Variants in BMPR2 observed in about 807,000 individuals in gnomAD.
BMPR2 encodes bone morphogenetic protein receptor type 2, also known as bone morphogenetic protein receptor type-2.
In BMPR2, 29 loss-of-function variants were observed where a neutral mutation model predicts 100.8. The ratio of observed to expected loss-of-function variants is 0.29; its 90% confidence interval spans 0.21 to 0.39. The LOEUF (loss-of-function observed/expected upper bound fraction) is 0.39. Among genes scored for constraint, BMPR2 ranks in the 10% least tolerant of loss-of-function variants. BMPR2 has a pLI of 1.00. For missense variants in BMPR2, 1,011 were observed against 1,274.5 expected (o/e 0.79, Z 3.15); for synonymous variants, 382 against 442.3 (o/e 0.86, Z 1.71).
chr2:202,501,466 A>G (rs1222730758), intron 3 of BMPR2, among the ~76,000 whole-genome samples: 1 of 152,216 alleles, frequency 6.6e-6, no homozygotes, highest in Admixed American at 6.5e-5. Flanking sequence ...TTCCCACAGG[A>G]CAGAACTTCT....
At chr2:202,486,094 A>G (rs1692772537) in intron 3 of BMPR2, among the ~76,000 whole-genome samples, 1 of 152,104 alleles carries the variant, frequency 6.6e-6, no homozygotes, top group Admixed American at 6.6e-5. Flanking sequence ...CCCTAATATG[A>G]CAATTAAAAA....
intron 11 of BMPR2, among the ~76,000 whole-genome samples, chr2:202,554,193 C>A (rs2105710173): frequency 6.6e-6 from 1 of 152,244 alleles, no homozygotes. Context: ...CAGTCTTCTG[C>A]TTTTATCTCC....
chr2:202,403,221 A>G lies in BMPR2; in HGVS notation c.76+25671A>G, dbSNP rs868508319. Among the ~76,000 whole-genome samples the G allele has an allele frequency of 2.3e-3, 246 of 108,374 alleles. 1 individual carries two copies. Among genetic ancestry groups the G allele is most frequent in the African/African-American group, 7.9e-3 (216 of 27,206 alleles). The allele number at this position is 108,374 out of a possible 152,430, so 71.1% of individuals were successfully genotyped here. A position where few individuals can be genotyped will look rare whatever the true frequency, so the allele number is the denominator to read the frequency against. Reference sequence around the variant, plus strand: ...CCTCCCCTCCCCTCCTCTTTTCGAGACAGAGTCTTGCTCTGTTGCCCAGGC... The same window carrying G: ...CCTCCCCTCCCCTCCTCTTTTCGAGGCAGAGTCTTGCTCTGTTGCCCAGGC... On this transcript the variant is annotated intron_variant, in intron 1 of 12. Coordinates refer to ENST00000374580, the MANE Select transcript of BMPR2 (RefSeq NM_001204.7).
intron 9 of BMPR2, among the ~76,000 whole-genome samples, chr2:202,534,869 C>T (rs1688102537): frequency 6.8e-6 from 1 of 148,084 alleles, no homozygotes; most frequent in Non-Finnish European, 1.5e-5. Flanking sequence ...CCCCCACCTC[C>T]CTCCCGGACG....
intron 9 of BMPR2, among the ~76,000 whole-genome samples, chr2:202,535,533 C>G (rs373553392): frequency 6.7e-6 from 1 of 149,804 alleles, no homozygotes; most frequent in East Asian, 2.0e-4. Context: ...TGATGGCGGC[C>G]AGGAAGAGGT....
chr2:202,403,886 T>C (rs1028202037), intron 1 of BMPR2, among the ~76,000 whole-genome samples: 4 of 151,828 alleles, frequency 2.6e-5, no homozygotes, highest in African/African-American at 9.7e-5. Flanking sequence ...ATGCCTGTAA[T>C]CCCAGCTGCT....
chr2:202,411,135 C>T (rs1691006616), intron 1 of BMPR2, among the ~76,000 whole-genome samples: 1 of 152,094 alleles, frequency 6.6e-6, no homozygotes, highest in African/African-American at 2.4e-5. Flanking sequence ...TTTAAATAGG[C>T]TCTAAGTATC....
chr2:202,400,478 A>C (rs1690749870), intron 1 of BMPR2, among the ~76,000 whole-genome samples: 1 of 152,160 alleles, frequency 6.6e-6, no homozygotes, highest in Non-Finnish European at 1.5e-5. Flanking sequence ...CTGCAGAATT[A>C]GATTTGAATT....
chr2:202,556,979 C>T (rs778904053), intron 12 of BMPR2, among the ~76,000 whole-genome samples: 12 of 150,904 alleles, frequency 8.0e-5, no homozygotes, highest in Admixed American at 1.3e-4. Flanking sequence ...GCCGAGATCA[C>T]GACACTTCAC....
Position 202,565,738 on chromosome 2 carries a change from A to G in BMPR2, c.*5792A>G, listed in dbSNP as rs984686366. The G allele has an allele frequency of 3.3e-5, 5 of 152,404 alleles. No homozygotes were observed. The highest frequency in any genetic ancestry group is 1.2e-4 in the African/African-American group (5 of 41,456). 9.4% of individuals were successfully genotyped at this position (152,404 alleles called of 1,614,324 possible). ...TACATTAATCAGGTATTATCTATGG[A>G]CATTTTTGTAGACCACTTTTGAAAT... On this transcript the variant is annotated 3_prime_UTR_variant, in exon 13 of 13. Transcript: ENST00000374580.
intron 1 of BMPR2, among the ~76,000 whole-genome samples, chr2:202,384,560 CTTTCTTTCT>C (rs1559020815): frequency 0.042 from 215 of 5,160 alleles, 1 homozygote; most frequent in African/African-American, 0.11. Flanking sequence ...TTCTTTCTTT[CTTTCTTTCT>C]TTTTCTTTCT....
intron 9 of BMPR2, among the ~76,000 whole-genome samples, chr2:202,540,689 A>G (rs1688253017): frequency 6.6e-6 from 1 of 152,214 alleles, no homozygotes; most frequent in African/African-American, 2.4e-5. Flanking sequence ...CTGGGTCATT[A>G]TAACTTTGTA....
intron 1 of BMPR2, among the ~76,000 whole-genome samples, chr2:202,437,200 T>G (rs1369633394): frequency 6.7e-6 from 1 of 150,122 alleles, no homozygotes; most frequent in Non-Finnish European, 1.5e-5. Flanking sequence ...GAGATGGGGT[T>G]TCACCATTTT....
intron 10 of BMPR2, among the ~76,000 whole-genome samples, chr2:202,550,202 T>C (rs1239114144): frequency 6.6e-6 from 1 of 151,948 alleles, no homozygotes; most frequent in Non-Finnish European, 1.5e-5. Context: ...ACCCCATCTC[T>C]ACTAAAAATA....
chr2:202,474,177 C>T (rs187615929), intron 3 of BMPR2, among the ~76,000 whole-genome samples: 96 of 151,750 alleles, frequency 6.3e-4, no homozygotes, highest in Non-Finnish European at 1.0e-3. Flanking sequence ...AGTGGATCGC[C>T]GGGCACGGTG....
At chr2:202,396,338 G>C (rs960337563) in intron 1 of BMPR2, among the ~76,000 whole-genome samples, 2 of 152,240 alleles carry the variant, frequency 1.3e-5, no homozygotes, top group Non-Finnish European at 2.9e-5. Context: ...CAGCTCTGAA[G>C]ACTTGAAATC....
intron 1 of BMPR2, among the ~76,000 whole-genome samples, chr2:202,440,932 C>T (rs995875273): frequency 2.0e-5 from 3 of 150,504 alleles, no homozygotes; most frequent in African/African-American, 7.5e-5. Context: ...ATTAAATACA[C>T]ATTGACTAGT....
At chr2:202,397,733 C>T (rs1381570507) in intron 1 of BMPR2, among the ~76,000 whole-genome samples, 5 of 151,484 alleles carry the variant, frequency 3.3e-5, no homozygotes, top group Admixed American at 3.3e-4. Flanking sequence ...CTTCTAAGCT[C>T]AAGCAATCCT....
rs11459505 is a variant in BMPR2, at chr2:202,390,980, C to CTTTTTTTT, written c.76+13450_76+13457dup. ...ACCAAAAATGCTTTTAGTAAGTAGT[C>CTTTTTTTT]TTTTTTTTTTTTTTTTTTTTTTTTT... On this transcript the variant is annotated intron_variant, in intron 1 of 12. Coordinates refer to ENST00000374580, the MANE Select transcript of BMPR2 (RefSeq NM_001204.7). Among the ~76,000 whole-genome samples, 7 of 51,932 alleles carry CTTTTTTTT rather than the reference C, an allele frequency of 1.3e-4. 1 individual carries two copies. The highest frequency in any genetic ancestry group is 3.0e-4 in the African/African-American group (4 of 13,328). 34.1% of individuals were successfully genotyped at this position (51,932 alleles called of 152,430 possible). A position where few individuals can be genotyped will look rare whatever the true frequency, so the allele number is the denominator to read the frequency against.
Sources: gnomAD v4.1 joint callset for allele counts (sites outside exome capture counted in the v4.1 genomes callset) on GRCh38, gnomAD v4.1.1 for gene constraint, MANE v1.5 for transcripts, NCBI Gene and HGNC (gene_info 2026-07-23, HGNC 2026-07-21) for gene names.